Variants in OPCML observed in about 807,000 individuals in gnomAD.
OPCML encodes opioid binding protein/cell adhesion molecule like.
OPCML carries 13 observed loss-of-function variants against 37.8 expected under a neutral mutation model. The ratio of observed to expected loss-of-function variants is 0.34; its 90% CI spans 0.22 to 0.55. OPCML has a LOEUF of 0.55. OPCML is among the 20% of genes least tolerant of loss of function. The pLI, the probability that OPCML is intolerant of heterozygous loss-of-function variation, is 0.91. For synonymous variants in OPCML, 176 were observed against 168.8 expected (o/e 1.04, Z -0.33); for missense variants, 341 against 435.6 (o/e 0.78, Z 1.93).
At chr11:132,554,825 A>G (rs1359849107) in intron 3 of OPCML, among the ~76,000 whole-genome samples, 3 of 151,928 alleles carry the variant, frequency 2.0e-5, no homozygotes, top group Middle Eastern at 3.4e-3. Context: ...CATCCACTGA[A>G]AATAAAAAGT....
intron 1 of OPCML, among the ~76,000 whole-genome samples, chr11:133,070,277 G>T (rs1038872892): frequency 2.0e-5 from 3 of 152,140 alleles, no homozygotes; most frequent in South Asian, 2.1e-4. Flanking sequence ...AGCAAGCAAA[G>T]GCTGTCGTGT....
intron 2 of OPCML, among the ~76,000 whole-genome samples, chr11:132,904,253 G>C (rs1248666422): frequency 3.9e-5 from 6 of 152,206 alleles, no homozygotes; most frequent in Admixed American, 3.9e-4. Flanking sequence ...ACAACACACA[G>C]AGGAGAATGC....
rs1252022458 is a variant in OPCML, at chr11:133,211,732, GCAT to G, written c.62-268725_62-268723del. Among the ~76,000 whole-genome samples, 1 of 152,198 alleles carries G rather than the reference GCAT, an allele frequency of 6.6e-6. No individual in the cohort carries two copies. The highest frequency in any genetic ancestry group is 1.5e-5 in the Non-Finnish European group (1 of 68,042). On this transcript the variant is annotated intron_variant, in intron 1 of 7. Transcript: ENST00000524381. The surrounding 1 kb of genome is among the most constrained non-coding windows in gnomAD (Gnocchi z 4.1). ...GACTGTGTGGACTAAATCATCGTGA[GCAT>G]CATCATTTATTATACCATCACCATT...
chr11:133,294,815 CTTTTTTTTTTTTTT>C (rs59382534), intron 1 of OPCML, among the ~76,000 whole-genome samples: 1,255 of 56,678 alleles, frequency 0.022, 32 homozygotes, highest in African/African-American at 0.097. Context: ...TTCTTTCTTT[CTTTTTTTTTTTTTT>C]TTTTTTTTTT....
rs988539824 is a variant in OPCML, at chr11:133,508,648, C to A, written c.61+23616G>T. Among the ~76,000 whole-genome samples, 106 of 152,304 alleles carry A rather than the reference C, an allele frequency of 7.0e-4. 1 individual carries two copies. The highest frequency in any genetic ancestry group is 2.5e-3 in the African/African-American group (102 of 41,586). On this transcript the variant is annotated intron_variant, in intron 1 of 7. Coordinates refer to ENST00000524381, the MANE Select transcript of OPCML (RefSeq NM_001012393.5). ...GGAACTGGCCCGAGCCTCCCAATCA[C>A]TTGGAGGAGTGGGAAGAATGCAAGT...
chr11:133,009,359 T>C (rs1285833607), intron 1 of OPCML: 2 of 363,032 alleles, frequency 5.5e-6, no homozygotes, highest in Non-Finnish European at 7.7e-6. Flanking sequence ...TGTTCAAATA[T>C]AACAACAAGT....
intron 3 of OPCML, among the ~76,000 whole-genome samples, chr11:132,554,042 G>A (rs890104568): frequency 3.9e-5 from 6 of 152,202 alleles, no homozygotes; most frequent in African/African-American, 1.4e-4. Context: ...GACCTTTCTG[G>A]GAAATGCTCT....
chr11:132,652,349 AACACACACAC>A (rs5795793), intron 3 of OPCML, among the ~76,000 whole-genome samples: 2 of 142,538 alleles, frequency 1.4e-5, no homozygotes, highest in Non-Finnish European at 3.0e-5. Flanking sequence ...AAGAATGACA[AACACACACAC>A]ACACACACAC....
intron 3 of OPCML, among the ~76,000 whole-genome samples, chr11:132,643,088 A>T (rs1940950266): frequency 6.6e-6 from 1 of 152,086 alleles, no homozygotes; most frequent in Non-Finnish European, 1.5e-5. Flanking sequence ...GGAATATTTT[A>T]AAAAGTTCAT....
chr11:133,492,521 G>GT (rs1168050500), intron 1 of OPCML, among the ~76,000 whole-genome samples: 2 of 151,914 alleles, frequency 1.3e-5, no homozygotes, highest in East Asian at 1.9e-4. Flanking sequence ...AGTTGCTGGG[G>GT]TTTTTTTAAT....
intron 4 of OPCML, among the ~76,000 whole-genome samples, chr11:132,524,492 T>C (rs1480339554): frequency 6.6e-6 from 1 of 152,280 alleles, no homozygotes; most frequent in African/African-American, 2.4e-5. Context: ...TTGGCTGCTA[T>C]TGAAAAAATT....
At chr11:132,672,142 T>C (rs1025953292) in intron 2 of OPCML, among the ~76,000 whole-genome samples, 1 of 152,224 alleles carries the variant, frequency 6.6e-6, no homozygotes, top group East Asian at 1.9e-4. Context: ...CTTTTCCTGC[T>C]CACACCTAGA....
intron 2 of OPCML, among the ~76,000 whole-genome samples, chr11:132,671,582 C>T (rs1192842562): frequency 6.6e-6 from 1 of 152,114 alleles, no homozygotes; most frequent in Non-Finnish European, 1.5e-5. Context: ...CCGAAGGTAA[C>T]CTGAATTTCT....
intron 2 of OPCML, among the ~76,000 whole-genome samples, chr11:132,717,118 A>G (rs1292298387): frequency 6.6e-6 from 1 of 152,176 alleles, no homozygotes; most frequent in Non-Finnish European, 1.5e-5. Flanking sequence ...CTGTACAAGG[A>G]TGGGAAGGGC....
intron 2 of OPCML, among the ~76,000 whole-genome samples, chr11:132,831,411 A>G (rs1245172155): frequency 6.6e-6 from 1 of 152,086 alleles, no homozygotes; most frequent in Non-Finnish European, 1.5e-5. Flanking sequence ...AGGCACCCCC[A>G]CCATAGCTCC....
chr11:133,007,994 G>T, intron 1 of OPCML: 1 of 985,434 alleles, frequency 1.0e-6, no homozygotes, highest in Non-Finnish European at 1.2e-6. Context: ...GTCTGCATAT[G>T]CTTCAAGTGC....
intron 3 of OPCML, among the ~76,000 whole-genome samples, chr11:132,568,818 C>A (rs1449439915): frequency 1.3e-5 from 2 of 152,198 alleles, no homozygotes; most frequent in East Asian, 1.9e-4. Context: ...CATTAAAATC[C>A]ATTTATTTAA....
At chr11:133,046,488 C>G (rs1416343752) in intron 1 of OPCML, among the ~76,000 whole-genome samples, 1 of 152,208 alleles carries the variant, frequency 6.6e-6, no homozygotes, top group Non-Finnish European at 1.5e-5. Context: ...CTCCCCTTGT[C>G]CTCTGCTGAT....
chr11:133,403,143 C>A (rs1945444757), intron 1 of OPCML, among the ~76,000 whole-genome samples: 1 of 152,164 alleles, frequency 6.6e-6, no homozygotes, highest in Non-Finnish European at 1.5e-5. Flanking sequence ...GGGTCTCTAC[C>A]ACTTACTGTG....
Sources: allele counts gnomAD v4.1 joint callset (sites outside exome capture counted in the v4.1 genomes callset), GRCh38; gene constraint gnomAD v4.1.1; non-coding constraint Gnocchi (gnomAD v3.1); transcripts MANE v1.5; gene names NCBI Gene and HGNC (gene_info 2026-07-23, HGNC 2026-07-21).